The following SCAPER variants were observed in gnomAD, a reference collection of about 807,000 sequenced individuals.
The protein encoded by SCAPER is S phase cyclin A-associated protein in the endoplasmic reticulum.
SCAPER carries 98 observed loss-of-function variants against 182.2 expected under a neutral mutation model. The ratio of observed to expected loss-of-function variants is 0.54; its 90% CI spans 0.46 to 0.64. The LOEUF is 0.64. Ranked by LOEUF, SCAPER falls within the 30% of genes least tolerant of loss-of-function variation. The pLI, the probability that SCAPER is intolerant of heterozygous loss-of-function variation, is 0.00. For synonymous variants in SCAPER, 605 were observed against 564.6 expected, an observed-to-expected ratio of 1.07 and a Z score of -1.01; for missense variants, 1,432 against 1,690.0, an observed-to-expected ratio of 0.85 and a Z score of 2.68.
At chr15:76,557,894 T>C (rs552599348) in intron 23 of SCAPER, among the ~76,000 whole-genome samples, 3 of 152,228 alleles carry the variant, frequency 2.0e-5, no homozygotes, top group South Asian at 4.1e-4. Flanking sequence ...TATCAAGCAA[T>C]GGGTAAAGGA....
At chr15:76,644,555 A>G (rs970588914) in intron 21 of SCAPER, among the ~76,000 whole-genome samples, 2 of 151,690 alleles carry the variant, frequency 1.3e-5, no homozygotes, top group Non-Finnish European at 2.9e-5. Context: ...CATACAGTAC[A>G]CTCTTGAGTC....
At chr15:76,891,296 C>T (rs1286336550) in intron 1 of SCAPER, among the ~76,000 whole-genome samples, 2 of 152,184 alleles carry the variant, frequency 1.3e-5, no homozygotes, top group African/African-American at 2.4e-5. Context: ...TCCTATTCAA[C>T]ACAGTGTTGG....
chr15:76,836,064 T>C (rs1336215110), intron 5 of SCAPER, among the ~76,000 whole-genome samples: 1 of 151,952 alleles, frequency 6.6e-6, no homozygotes, highest in Admixed American at 6.6e-5. Flanking sequence ...TATTCCATGC[T>C]CATGGATAGG....
chr15:76,441,161 T>C (rs284886), intron 25 of SCAPER, among the ~76,000 whole-genome samples: 59,496 of 151,566 alleles, frequency 0.39, 12,159 homozygotes, highest in African/African-American at 0.48. Context: ...GACCTCGTGA[T>C]CCACCCGCCT....
At chr15:76,767,381 T>C (rs1372662133) in intron 10 of SCAPER, among the ~76,000 whole-genome samples, 2 of 152,120 alleles carry the variant, frequency 1.3e-5, no homozygotes, top group Non-Finnish European at 1.5e-5. Flanking sequence ...TAACAGGTAG[T>C]GTGAATTTCA....
At chr15:76,803,577 T>C (rs1472147230) in intron 6 of SCAPER, among the ~76,000 whole-genome samples, 1 of 152,196 alleles carries the variant, frequency 6.6e-6, no homozygotes, top group Non-Finnish European at 1.5e-5. Flanking sequence ...TTATTTCTCA[T>C]AGTTCTGGAT....
In SCAPER at chr15:76,590,080, G is replaced by C. The variant is rs115039279; in HGVS notation, c.2712-15796C>G. Among the ~76,000 whole-genome samples the C allele has an allele frequency of 4.2e-3, 643 of 152,234 alleles. 7 individuals are homozygous for C. Among genetic ancestry groups the C allele is most frequent in the African/African-American group, 0.015 (619 of 41,532 alleles). ...AATCCACTTCCTTCAGAGGGTCTGTGGATTCTCTCGGCTTTGCTGGTATAT... is the reference window on the plus strand; with the variant it reads ...AATCCACTTCCTTCAGAGGGTCTGTCGATTCTCTCGGCTTTGCTGGTATAT... On this transcript the variant is annotated intron_variant, in intron 22 of 31. Transcript: ENST00000563290.
At chr15:76,730,186 T>A (rs1165835248) in intron 16 of SCAPER, among the ~76,000 whole-genome samples, 1 of 152,136 alleles carries the variant, frequency 6.6e-6, no homozygotes, top group Non-Finnish European at 1.5e-5. Context: ...TTTCTAATAG[T>A]TAACTGAGCG....
intron 2 of SCAPER, among the ~76,000 whole-genome samples, chr15:76,875,920 T>TGGG (rs1192857848): frequency 2.6e-5 from 4 of 151,008 alleles, no homozygotes; most frequent in African/African-American, 9.8e-5. Flanking sequence ...GACCCCACGG[T>TGGG]GGGGGGCGGG....
intron 23 of SCAPER, among the ~76,000 whole-genome samples, chr15:76,526,733 C>T (rs908404677): frequency 6.6e-6 from 1 of 151,790 alleles, no homozygotes; most frequent in Admixed American, 6.6e-5. Context: ...TTTTTACTTC[C>T]TAGAGTTCAG....
At chr15:76,783,293 T>A (rs1352496855) in intron 8 of SCAPER, among the ~76,000 whole-genome samples, 2 of 152,066 alleles carry the variant, frequency 1.3e-5, no homozygotes, top group Non-Finnish European at 2.9e-5. Flanking sequence ...AAGAAATGGA[T>A]AAATTCCTGG....
chr15:76,755,759 C>G (rs1480757513), intron 14 of SCAPER, among the ~76,000 whole-genome samples: 1 of 152,194 alleles, frequency 6.6e-6, no homozygotes, highest in Non-Finnish European at 1.5e-5. Flanking sequence ...TTCTCTCCCC[C>G]ACTCTTTCTC....
chr15:76,626,545 T>C (rs1220104056), intron 21 of SCAPER, among the ~76,000 whole-genome samples: 1 of 152,070 alleles, frequency 6.6e-6, no homozygotes, highest in Non-Finnish European at 1.5e-5. Flanking sequence ...GGCAAATCCC[T>C]GTCTCTACTA....
At chr15:76,677,672 C>T (rs965771322) in intron 20 of SCAPER, among the ~76,000 whole-genome samples, 1 of 150,766 alleles carries the variant, frequency 6.6e-6, no homozygotes, top group African/African-American at 2.4e-5. Flanking sequence ...AATACGTATG[C>T]AGACATGATC....
chr15:76,672,128 A>T (rs2057063524), intron 20 of SCAPER, among the ~76,000 whole-genome samples: 1 of 152,112 alleles, frequency 6.6e-6, no homozygotes, highest in Non-Finnish European at 1.5e-5. Context: ...GATAATAGAG[A>T]CAAAGGGGAA....
At position 76,702,962 on chromosome 15, in the gene SCAPER, T is replaced by G. The variant is rs1257762995; in HGVS notation, c.2288A>C (p.Gln763Pro). Reference protein sequence around the residue: ...SIRRHMEQIEQRKEKAAELSS... With the variant: ...SIRRHMEQIEPRKEKAAELSS... Reference sequence around the variant, plus strand: ...TAGCTCAGCAGCTTTTTCTTTTCTTTGTTCAATCTGTTCCATGTGCCTTCG... The same window carrying G: ...TAGCTCAGCAGCTTTTTCTTTTCTTGGTTCAATCTGTTCCATGTGCCTTCG... Residue 763 changes from glutamine to proline, a missense_variant, in exon 19 of 32, where the codon CAA becomes CCA. This residue lies in a region of SCAPER where 718 missense variants were observed against 799.7 expected (regional missense o/e 0.90). Transcript: ENST00000563290. 1 of 1,605,620 alleles carries G rather than the reference T, an allele frequency of 6.2e-7. No individual in the cohort carries two copies. The highest frequency in any genetic ancestry group is 8.5e-7 in the Non-Finnish European group (1 of 1,177,256).
intron 22 of SCAPER, among the ~76,000 whole-genome samples, chr15:76,587,093 G>A (rs556419522): frequency 4.6e-5 from 7 of 152,150 alleles, no homozygotes; most frequent in South Asian, 4.2e-4. Context: ...GTTTATGAAC[G>A]TAAAGGTGTT....
chr15:76,464,007 C>CTTTTTTTTTTTT (rs10630336), intron 25 of SCAPER, among the ~76,000 whole-genome samples: 2 of 120,376 alleles, frequency 1.7e-5, no homozygotes, highest in African/African-American at 3.2e-5. Context: ...TTTCACTGGT[C>CTTTTTTTTTTTT]TTTTTTTTTT....
intron 21 of SCAPER, among the ~76,000 whole-genome samples, chr15:76,659,045 G>GCAA (rs915279919): frequency 2.0e-5 from 3 of 151,964 alleles, no homozygotes; most frequent in Non-Finnish European, 4.4e-5. Flanking sequence ...AAAAACAATT[G>GCAA]CAACAACAAC....
Sources: allele counts gnomAD v4.1 joint callset (sites outside exome capture counted in the v4.1 genomes callset), GRCh38; gene constraint gnomAD v4.1.1; regional missense constraint gnomAD v4.1.1; transcripts MANE v1.5; gene names NCBI Gene and HGNC (gene_info 2026-07-23, HGNC 2026-07-21).